The following SCHIP1 variants were observed in gnomAD, a reference collection of about 807,000 sequenced individuals.
SCHIP1 encodes schwannomin-interacting protein 1.
In SCHIP1, 8 loss-of-function variants were observed where a neutral mutation model predicts 29.7. The ratio of observed to expected loss-of-function variants is 0.27; its 90% CI spans 0.16 to 0.49. SCHIP1 has a LOEUF of 0.49. Ranked by LOEUF, SCHIP1 falls within the 20% of genes least tolerant of loss-of-function variation. SCHIP1 has a pLI of 0.99. For synonymous variants in SCHIP1, 76 were observed against 94.9 expected, an observed-to-expected ratio of 0.80 and a Z score of 1.16; for missense variants, 193 against 294.6, an observed-to-expected ratio of 0.66 and a Z score of 2.52.
At chr3:159,848,442 C>T (rs1053926806) in intron 1 of SCHIP1, among the ~76,000 whole-genome samples, 8 of 152,104 alleles carry the variant, frequency 5.3e-5, no homozygotes, top group African/African-American at 1.9e-4. Flanking sequence ...CAAGTCTCTG[C>T]CAAGGTGGTG....
At chr3:159,721,807 C>A in the SCHIP1 span, 1 of 423,996 alleles carries the variant, frequency 2.4e-6, no homozygotes. Context: ...TTGGCATCCT[C>A]CATGGAAATG....
chr3:159,462,321 A>G, the SCHIP1 span, among the ~76,000 whole-genome samples: 1 of 152,180 alleles, frequency 6.6e-6, no homozygotes, highest in Non-Finnish European at 1.5e-5. Context: ...TCTGGGCACC[A>G]TTGCTGATGG....
At chr3:159,701,213 G>A in the SCHIP1 span, among the ~76,000 whole-genome samples, 1 of 151,978 alleles carries the variant, frequency 6.6e-6, no homozygotes, top group Admixed American at 6.6e-5. Context: ...GCCTTTCATT[G>A]TCATTCAACT....
At chr3:159,665,718 G>T in the SCHIP1 span, among the ~76,000 whole-genome samples, 2 of 152,158 alleles carry the variant, frequency 1.3e-5, no homozygotes, top group East Asian at 1.9e-4. Context: ...GGTCCTGGAG[G>T]AATAAGCAGT....
chr3:159,687,902 C>T, the SCHIP1 span, among the ~76,000 whole-genome samples: 1 of 152,184 alleles, frequency 6.6e-6, no homozygotes, highest in Non-Finnish European at 1.5e-5. Context: ...TTTCCAGCTT[C>T]ATCCATGTCC....
the SCHIP1 span, among the ~76,000 whole-genome samples, chr3:159,688,910 A>G: frequency 6.6e-6 from 1 of 152,156 alleles, no homozygotes; most frequent in East Asian, 1.9e-4. Flanking sequence ...ATAGTTGTAG[A>G]TGTGTGGTGT....
the SCHIP1 span, among the ~76,000 whole-genome samples, chr3:159,828,859 A>G: frequency 1.3e-5 from 2 of 152,212 alleles, no homozygotes; most frequent in African/African-American, 4.8e-5. Context: ...CCCTACACAC[A>G]TACACGCATG....
At chr3:159,385,254 G>T in the SCHIP1 span, among the ~76,000 whole-genome samples, 1 of 152,110 alleles carries the variant, frequency 6.6e-6, no homozygotes, top group South Asian at 2.1e-4. Context: ...CCCACATCTT[G>T]CATAATAAAC....
the SCHIP1 span, among the ~76,000 whole-genome samples, chr3:159,534,935 G>T: frequency 1.3e-5 from 2 of 151,942 alleles, no homozygotes; most frequent in Non-Finnish European, 2.9e-5. Flanking sequence ...CAAACATTTC[G>T]CAGTTCTCCC....
At chr3:159,771,277 G>A in the SCHIP1 span, among the ~76,000 whole-genome samples, 1 of 152,142 alleles carries the variant, frequency 6.6e-6, no homozygotes, top group African/African-American at 2.4e-5. Flanking sequence ...AGTTACTTGG[G>A]CTATGTTTAA....
At chr3:159,484,129 G>A in the SCHIP1 span, among the ~76,000 whole-genome samples, 2 of 152,138 alleles carry the variant, frequency 1.3e-5, no homozygotes, top group African/African-American at 2.4e-5. Flanking sequence ...GAACAGGCAT[G>A]ATCATAGGAG....
At chr3:159,493,150 C>T in the SCHIP1 span, among the ~76,000 whole-genome samples, 2 of 152,168 alleles carry the variant, frequency 1.3e-5, no homozygotes, top group African/African-American at 4.8e-5. Flanking sequence ...CAAAAACATG[C>T]CAAATTGTAA....
exon 1 of SCHIP1, chr3:159,839,881 T>C (rs1266363734): frequency 1.4e-6 from 2 of 1,389,082 alleles, no homozygotes; most frequent in Admixed American, 6.7e-5. Context: ...GCCTATAATA[T>C]AATTGGCTGA....
chr3:159,568,740 C>T, the SCHIP1 span, among the ~76,000 whole-genome samples: 1 of 152,036 alleles, frequency 6.6e-6, no homozygotes, highest in Non-Finnish European at 1.5e-5. Flanking sequence ...TAGATCAAGG[C>T]TGTTAATTAT....
chr3:159,332,700 A>G, the SCHIP1 span, among the ~76,000 whole-genome samples: 1 of 152,170 alleles, frequency 6.6e-6, no homozygotes, highest in Non-Finnish European at 1.5e-5. Context: ...TTTGTGATGC[A>G]TCTAAGCTGT....
At chr3:159,598,000 G>A in the SCHIP1 span, among the ~76,000 whole-genome samples, 2 of 152,124 alleles carry the variant, frequency 1.3e-5, no homozygotes, top group African/African-American at 4.8e-5. Context: ...GAGCATAGGG[G>A]AAACTGCCCT....
the SCHIP1 span, among the ~76,000 whole-genome samples, chr3:159,626,298 A>AGATT: frequency 1.5e-5 from 2 of 133,006 alleles, no homozygotes; most frequent in South Asian, 2.3e-4. Context: ...ATAGATAGAT[A>AGATT]GATTTTTTTT....
At chr3:159,339,120 AG>A in the SCHIP1 span, among the ~76,000 whole-genome samples, 1 of 152,078 alleles carries the variant, frequency 6.6e-6, no homozygotes, top group Non-Finnish European at 1.5e-5. Context: ...AGCCATCTCC[AG>A]GTTTTCATCT....
At chr3:159,340,707 C>T in the SCHIP1 span, among the ~76,000 whole-genome samples, 1 of 152,074 alleles carries the variant, frequency 6.6e-6, no homozygotes, top group Non-Finnish European at 1.5e-5. Context: ...TCCAGGCCAT[C>T]CTGGAGTCTG....
Sources: allele counts gnomAD v4.1 joint callset (sites outside exome capture counted in the v4.1 genomes callset), GRCh38; gene constraint gnomAD v4.1.1; transcripts MANE v1.5; gene names NCBI Gene and HGNC (gene_info 2026-07-23, HGNC 2026-07-21).